UBE2D3: variants seen among roughly 807,000 people sequenced by gnomAD.
UBE2D3 encodes ubiquitin-conjugating enzyme E2 D3.
A neutral mutation model predicts 22.8 loss-of-function variants in UBE2D3; 2 were observed. The ratio of observed to expected loss-of-function variants is 0.09; its 90% confidence interval spans 0.04 to 0.28. UBE2D3 has a LOEUF of 0.28. UBE2D3 is among the 10% of genes least tolerant of loss of function. The pLI is 1.00. For synonymous variants in UBE2D3, 56 were observed against 60.4 expected, an observed-to-expected ratio of 0.93 and a Z score of 0.34; for missense variants, 27 against 182.5, an observed-to-expected ratio of 0.15 and a Z score of 4.91.
rs956050493 is a variant in UBE2D3, at chr4:102,796,794, G to A, written c.*621C>T. On this transcript the variant is annotated 3_prime_UTR_variant, in exon 8 of 8. Coordinates refer to ENST00000453744, the MANE Select transcript of UBE2D3 (RefSeq NM_181891.3). ...TTGAGACCCTATTTTGGAATACAAA[G>A]GGTGTTTGACTTCCAATTTCCATTC... is the stretch of plus-strand genomic sequence containing the variant. The A allele has an allele frequency of 3.3e-5, 5 of 152,412 alleles. No homozygotes were observed. The highest frequency in any genetic ancestry group is 1.2e-4 in the African/African-American group (5 of 41,426). The allele number at this position is 152,412 out of a possible 1,614,324, so 9.4% of individuals were successfully genotyped here. A position where few individuals can be genotyped will look rare whatever the true frequency, so the allele number is the denominator to read the frequency against.
At chr4:102,819,731 C>A in intron 2 of UBE2D3, 1 of 354,528 alleles carries the variant, frequency 2.8e-6, no homozygotes, top group Non-Finnish European at 3.9e-6. Context: ...CATTTGTTAT[C>A]CCAATCTCTA....
intron 1 of UBE2D3, among the ~76,000 whole-genome samples, chr4:102,840,103 G>A (rs368622472): frequency 8.5e-5 from 13 of 152,172 alleles, no homozygotes; most frequent in African/African-American, 2.9e-4. Context: ...TGGTTATTAC[G>A]AAAATAACAG....
At chr4:102,799,058 T>C in intron 7 of UBE2D3, 1 of 1,457,286 alleles carries the variant, frequency 6.9e-7, no homozygotes, top group Non-Finnish European at 9.5e-7. Context: ...ATAATTCAAA[T>C]ATTTGAGAAA....
chr4:102,844,862 T>C (rs926944185), intron 1 of UBE2D3, among the ~76,000 whole-genome samples: 3 of 151,582 alleles, frequency 2.0e-5, no homozygotes, highest in African/African-American at 4.9e-5. Flanking sequence ...CTACTAAAAA[T>C]ACAAAAAAAT....
At chr4:102,841,053 C>T (rs1731729858) in intron 1 of UBE2D3, among the ~76,000 whole-genome samples, 1 of 151,474 alleles carries the variant, frequency 6.6e-6, no homozygotes, top group African/African-American at 2.4e-5. Context: ...TGGTATTAAA[C>T]TGGAAGGACC....
chr4:102,798,503 G>A lies in UBE2D3; in HGVS notation c.398+904C>T, dbSNP rs922956922. On this transcript the variant is annotated intron_variant, in intron 7 of 7. Coordinates refer to ENST00000453744, the MANE Select transcript of UBE2D3 (RefSeq NM_181891.3). ...CAGGGAGCCACAAAGTACAGCTGACGCTAATGCATGCTTGTCAGTAATGAA... is the reference window on the plus strand; with the variant it reads ...CAGGGAGCCACAAAGTACAGCTGACACTAATGCATGCTTGTCAGTAATGAA... Among the ~76,000 whole-genome samples, 97 of 151,322 alleles carry A rather than the reference G, an allele frequency of 6.4e-4. 1 individual carries two copies. The highest frequency in any genetic ancestry group is 2.3e-3 in the African/African-American group (94 of 41,224).
intron 1 of UBE2D3, among the ~76,000 whole-genome samples, chr4:102,866,721 T>A (rs1733161087): frequency 6.6e-6 from 1 of 152,040 alleles, no homozygotes; most frequent in South Asian, 2.1e-4. Context: ...GGGGAAAAAT[T>A]AAACTCAACA....
At chr4:102,836,335 C>T (rs1383337928) in intron 1 of UBE2D3, among the ~76,000 whole-genome samples, 4 of 151,572 alleles carry the variant, frequency 2.6e-5, no homozygotes, top group African/African-American at 7.3e-5. Flanking sequence ...TTAGTAGAGA[C>T]GGGGTTTCAC....
chr4:102,838,032 T>C (rs223371), intron 1 of UBE2D3, among the ~76,000 whole-genome samples: 85,377 of 151,750 alleles, frequency 0.56, 25,027 homozygotes, highest in African/African-American at 0.74. Flanking sequence ...GGTGGGAGGA[T>C]TGCTGAAACC....
At chr4:102,850,734 C>T (rs981922644) in intron 1 of UBE2D3, among the ~76,000 whole-genome samples, 1 of 152,014 alleles carries the variant, frequency 6.6e-6, no homozygotes, top group Admixed American at 6.6e-5. Context: ...TTTTATACCA[C>T]GGAATACTAC....
chr4:102,819,958 T>C (rs531320766), intron 2 of UBE2D3, among the ~76,000 whole-genome samples: 74 of 152,304 alleles, frequency 4.9e-4, no homozygotes, highest in African/African-American at 1.7e-3. Context: ...GAATCAGCAT[T>C]ATAAAAACAG....
chr4:102,821,170 A>C (rs991448288), intron 2 of UBE2D3, among the ~76,000 whole-genome samples: 6 of 152,156 alleles, frequency 3.9e-5, no homozygotes, highest in African/African-American at 1.4e-4. Flanking sequence ...AGACCACAAC[A>C]TTTCCAAGAA....
At chr4:102,826,384 G>A (rs2023532) in intron 2 of UBE2D3, 101 bp downstream of exon 2, 198,600 of 1,409,096 alleles carry the variant, frequency 0.14, 14,637 homozygotes, top group African/African-American at 0.16. Flanking sequence ...TGATCCAAGA[G>A]GTATTTTCAG....
intron 1 of UBE2D3, 91 bp from the exon 2 acceptor site, chr4:102,826,727 T>G (rs1028053912): frequency 2.8e-6 from 4 of 1,423,648 alleles, no homozygotes; most frequent in Non-Finnish European, 3.7e-6. Context: ...CGATCCGGGG[T>G]GGGTGGGGTG....
intron 2 of UBE2D3, among the ~76,000 whole-genome samples, chr4:102,815,207 C>G (rs999951364): frequency 1.3e-5 from 2 of 151,958 alleles, no homozygotes; most frequent in Non-Finnish European, 2.9e-5. Flanking sequence ...CCACACCCGG[C>G]TAATTTTTTG....
intron 2 of UBE2D3, chr4:102,825,606 C>G (rs1311909414): frequency 2.7e-5 from 34 of 1,238,994 alleles, no homozygotes; most frequent in Non-Finnish European, 3.5e-5. Flanking sequence ...CGCTCACTCC[C>G]AGAGCTCCGA....
intron 2 of UBE2D3, among the ~76,000 whole-genome samples, chr4:102,819,161 T>A (rs906574981): frequency 2.6e-5 from 4 of 151,954 alleles, no homozygotes; most frequent in Non-Finnish European, 5.9e-5. Context: ...TGAAATCCCA[T>A]CTCTACTAAA....
At chr4:102,846,547 A>G (rs1275359449) in intron 1 of UBE2D3, among the ~76,000 whole-genome samples, 1 of 152,182 alleles carries the variant, frequency 6.6e-6, no homozygotes. Flanking sequence ...GTTCTCCTAC[A>G]TAGGTTTTCT....
At chr4:102,834,885 C>G (rs1731308128) in intron 1 of UBE2D3, among the ~76,000 whole-genome samples, 1 of 151,722 alleles carries the variant, frequency 6.6e-6, no homozygotes, top group African/African-American at 2.4e-5. Flanking sequence ...CTCAAGGAGT[C>G]CTCCCACCTC....
Sources: gnomAD v4.1 joint callset for allele counts (sites outside exome capture counted in the v4.1 genomes callset) on GRCh38, gnomAD v4.1.1 for gene constraint, MANE v1.5 for transcripts, NCBI Gene and HGNC (gene_info 2026-07-23, HGNC 2026-07-21) for gene names.